EML5: variants seen among roughly 807,000 people sequenced by gnomAD.
EML5 encodes EMAP like 5, also known as echinoderm microtubule-associated protein-like 5.
Under a neutral mutation model 250.0 loss-of-function variants are expected in EML5, and 120 were observed. The ratio of observed to expected loss-of-function variants is 0.48; its 90% CI spans 0.41 to 0.56. The LOEUF is 0.56. EML5 is among the 20% of genes least tolerant of loss of function. The pLI is 0.00. For synonymous variants in EML5, 771 were observed against 806.5 expected (o/e 0.96, Z 0.75); for missense variants, 2,006 against 2,437.6 (o/e 0.82, Z 3.73).
chr14:88,749,288 A>G (rs1021321876), intron 2 of EML5, among the ~76,000 whole-genome samples: 2 of 152,220 alleles, frequency 1.3e-5, no homozygotes, highest in African/African-American at 4.8e-5. Context: ...CAAACAGTTT[A>G]AAGTGCTGAG....
At chr14:88,676,385 G>T (rs1595479343) in intron 21 of EML5, among the ~76,000 whole-genome samples, 1 of 152,166 alleles carries the variant, frequency 6.6e-6, no homozygotes, top group South Asian at 2.1e-4. Flanking sequence ...GTGGAAGGAG[G>T]TGAAATGCCA....
intron 1 of EML5, among the ~76,000 whole-genome samples, chr14:88,757,547 G>A (rs780409333): frequency 1.9e-4 from 29 of 152,060 alleles, no homozygotes; most frequent in Non-Finnish European, 3.8e-4. Context: ...GAGAATGGGA[G>A]AAAATATTTG....
chr14:88,626,937 G>A lies in EML5; in HGVS notation c.4641C>T (p.Phe1547=), dbSNP rs2090013460. ...GAAGAGCTCTTCCTGCCAGGGTCCA[G>A]AACTTCACATGTTTTACTCCCACTG... The part of the protein sequence containing the change: ...FVSVGVKHVK[F]WTLAGRALLS... The change falls in exon 35 of 44, where the codon TTC becomes TTT. Residue 1547 remains phenylalanine (F), a synonymous_variant. Coordinates refer to ENST00000554922, the MANE Select transcript of EML5 (RefSeq NM_183387.3). 6.2e-7 allele frequency: 1 copy of A among 1,613,852 alleles called. No homozygotes were observed. Among genetic ancestry groups the A allele is most frequent in the South Asian group, 1.1e-5 (1 of 91,084 alleles).
At chr14:88,622,509 A>T in intron 37 of EML5, 95 bp downstream of exon 37, 2 of 967,336 alleles carry the variant, frequency 2.1e-6, no homozygotes, top group Non-Finnish European at 2.9e-6. Flanking sequence ...ATGCATTATT[A>T]AGTATTGTTC....
rs2087456810 is a variant in EML5, at chr14:88,615,498, A to C, written c.*320T>G. ...ATTGGGTTTTTGAGTTCTTCTGTAAAGAGTGCTCTACCCTAAATTTTCCCA... is the reference window on the plus strand; with the variant it reads ...ATTGGGTTTTTGAGTTCTTCTGTAACGAGTGCTCTACCCTAAATTTTCCCA... On this transcript the variant is annotated 3_prime_UTR_variant, in exon 44 of 44. Transcript: ENST00000554922. The C allele has an allele frequency of 3.6e-6, 1 of 276,292 alleles. No homozygotes were observed. The highest frequency in any genetic ancestry group is 6.7e-6 in the Non-Finnish European group (1 of 148,578). 17.1% of individuals were successfully genotyped at this position (276,292 alleles called of 1,614,324 possible).
intron 7 of EML5, among the ~76,000 whole-genome samples, chr14:88,735,446 A>G (rs2093824806): frequency 6.6e-6 from 1 of 152,222 alleles, no homozygotes; most frequent in Non-Finnish European, 1.5e-5. Context: ...TGTCCTCTAA[A>G]CATATAAAAA....
At chr14:88,628,943 T>C (rs1376054307) in intron 33 of EML5, among the ~76,000 whole-genome samples, 2 of 152,014 alleles carry the variant, frequency 1.3e-5, no homozygotes, top group African/African-American at 2.4e-5. Context: ...TATAATAAAA[T>C]AGGTTATTTA....
intron 10 of EML5, among the ~76,000 whole-genome samples, chr14:88,710,253 T>A (rs1194433474): frequency 6.6e-6 from 1 of 152,214 alleles, no homozygotes; most frequent in Non-Finnish European, 1.5e-5. Context: ...AAGTGCAGTA[T>A]GTAGGGTATA....
chr14:88,707,045 G>C (rs2093328628), intron 10 of EML5, among the ~76,000 whole-genome samples: 2 of 152,020 alleles, frequency 1.3e-5, no homozygotes, highest in Admixed American at 6.6e-5. Context: ...TTTGGGTTTT[G>C]TCTAATGCCT....
chr14:88,693,862 C>T (rs1296739587), intron 17 of EML5, among the ~76,000 whole-genome samples: 1 of 144,738 alleles, frequency 6.9e-6, no homozygotes, highest in Non-Finnish European at 1.5e-5. Flanking sequence ...CCTTAACCTC[C>T]TGGGCTCAAG....
chr14:88,707,782 G>C (rs775274469), intron 10 of EML5, among the ~76,000 whole-genome samples: 1 of 151,886 alleles, frequency 6.6e-6, no homozygotes, highest in East Asian at 1.9e-4. Flanking sequence ...ATTTAACTTC[G>C]CATAGTTCAG....
In EML5 at chr14:88,792,842, G is replaced by A; in HGVS notation, c.-339C>T. 5 of 664,056 alleles carry A rather than the reference G, an allele frequency of 7.5e-6. No homozygotes were observed. The highest frequency in any genetic ancestry group is 9.3e-6 in the Non-Finnish European group (5 of 534,930). 41.1% of individuals were successfully genotyped at this position (664,056 alleles called of 1,614,324 possible). On this transcript the variant is annotated 5_prime_UTR_variant, in exon 1 of 44. Coordinates refer to ENST00000554922, the MANE Select transcript of EML5 (RefSeq NM_183387.3). The surrounding 1 kb of genome is among the most constrained non-coding windows in gnomAD (Gnocchi z 6.9). ...GCCCGCCTCCAGCTCCTCAGCCGCC[G>A]CCCGCGCACGCAGCTCCCAGCCCCG...
At chr14:88,723,721 T>A (rs1310060749) in intron 8 of EML5, among the ~76,000 whole-genome samples, 1 of 152,180 alleles carries the variant, frequency 6.6e-6, no homozygotes, top group Non-Finnish European at 1.5e-5. Flanking sequence ...ATATATACAG[T>A]TTTTATTTGT....
chr14:88,698,325 G>A (rs1426268091), intron 14 of EML5, among the ~76,000 whole-genome samples: 1 of 145,544 alleles, frequency 6.9e-6, no homozygotes, highest in Non-Finnish European at 1.5e-5. Flanking sequence ...AAGTGAAATG[G>A]CATGATGTTG....
chr14:88,626,374 C>A (rs762526660), intron 35 of EML5: 2 of 158,460 alleles, frequency 1.3e-5, no homozygotes, highest in African/African-American at 2.4e-5. Flanking sequence ...GTAAACCCAG[C>A]ACTTTGGGAG....
At chr14:88,743,959 T>C (rs2093965589) in intron 4 of EML5, 64 bp downstream of exon 4, 1 of 1,105,080 alleles carries the variant, frequency 9.0e-7, no homozygotes. Context: ...TTGTTAACAG[T>C]GCAATATATA....
chr14:88,727,112 A>G (rs1204763692), intron 7 of EML5, among the ~76,000 whole-genome samples: 1 of 152,130 alleles, frequency 6.6e-6, no homozygotes, highest in Non-Finnish European at 1.5e-5. Flanking sequence ...AATAAACACA[A>G]TGTTTTGCCA....
intron 1 of EML5, among the ~76,000 whole-genome samples, chr14:88,785,001 C>A (rs1437453832): frequency 6.6e-6 from 1 of 152,126 alleles, no homozygotes; most frequent in Non-Finnish European, 1.5e-5. Flanking sequence ...CAATGGAGTA[C>A]TAGTCAGCCA....
intron 18 of EML5, among the ~76,000 whole-genome samples, chr14:88,687,710 G>A (rs1196844254): frequency 6.6e-6 from 1 of 151,644 alleles, no homozygotes; most frequent in Non-Finnish European, 1.5e-5. Context: ...ATAAACAGCC[G>A]ATTTTTGACA....
Sources: allele counts gnomAD v4.1 joint callset (sites outside exome capture counted in the v4.1 genomes callset), GRCh38; gene constraint gnomAD v4.1.1; non-coding constraint Gnocchi (gnomAD v3.1); transcripts MANE v1.5; gene names NCBI Gene and HGNC (gene_info 2026-07-23, HGNC 2026-07-21).